KMT2A: variants seen among roughly 807,000 people sequenced by gnomAD.
The protein encoded by KMT2A is lysine methyltransferase 2A, also known as histone-lysine N-methyltransferase 2A.
KMT2A carries 16 observed loss-of-function variants against 345.3 expected under a neutral mutation model. The ratio of observed to expected loss-of-function variants is 0.05; its 90% confidence interval spans 0.03 to 0.07. The LOEUF (loss-of-function observed/expected upper bound fraction) is 0.07, where lower values mean the gene tolerates loss of function less well. KMT2A is among the 10% of genes least tolerant of loss of function. The probability of loss-of-function intolerance (pLI) is 1.00; values close to 1 mark genes in which losing one functional copy is unlikely to be tolerated. For synonymous variants in KMT2A, 1,599 were observed against 1,778.6 expected, an observed-to-expected ratio of 0.90 and a Z score of 2.54; for missense variants, 3,272 against 4,841.6, an observed-to-expected ratio of 0.68 and a Z score of 9.62.
intron 24 of KMT2A, among the ~76,000 whole-genome samples, chr11:118,500,273 T>C (rs1456518162): frequency 6.6e-6 from 1 of 152,210 alleles, no homozygotes; most frequent in African/African-American, 2.4e-5. Flanking sequence ...CTTTACAGTT[T>C]ATAAGTCCTT....
chr11:118,439,174 G>T (rs879972533), intron 1 of KMT2A: 8 of 324,210 alleles, frequency 2.5e-5, no homozygotes, highest in Middle Eastern at 4.3e-4. Context: ...AAAAAAAAAA[G>T]AAAAAAAAGA....
chr11:118,437,130 G>A (rs1452749252), intron 1 of KMT2A, among the ~76,000 whole-genome samples, 186 bp downstream of exon 1: 1 of 106,048 alleles, frequency 9.4e-6, no homozygotes, highest in Non-Finnish European at 1.9e-5. Flanking sequence ...CCCCCACCCC[G>A]GGGTTTGGGC....
At chr11:118,512,181 A>G in intron 31 of KMT2A, 156 bp downstream of exon 31, 1 of 628,328 alleles carries the variant, frequency 1.6e-6, no homozygotes, top group East Asian at 2.7e-5. Flanking sequence ...TCACCCATCT[A>G]AAGCATACAA....
chr11:118,492,924 T>A, intron 15 of KMT2A, 133 bp from the exon 16 acceptor site: 1 of 710,770 alleles, frequency 1.4e-6, no homozygotes. Flanking sequence ...ATTTGAGAAA[T>A]CTGATTATTT....
At position 118,495,669 on chromosome 11, in the gene KMT2A, A is replaced by C; in HGVS notation, c.5364-31A>C. On this transcript the variant is annotated intron_variant, in intron 18 of 35. Coordinates refer to ENST00000534358, the MANE Select transcript of KMT2A (RefSeq NM_001197104.2). The surrounding 1 kb of genome is among the most constrained non-coding windows in gnomAD (Gnocchi z 4.1). Reference sequence around the variant, plus strand: ...AGTTCTAGGTATACTGTAGGAGTTCAATAAATGCTTGTTGAATCAATTATT... The same window carrying C: ...AGTTCTAGGTATACTGTAGGAGTTCCATAAATGCTTGTTGAATCAATTATT... 1 of 1,567,168 alleles carries C rather than the reference A, an allele frequency of 6.4e-7. No individual in the cohort carries two copies. The highest frequency in any genetic ancestry group is 2.2e-5 in the East Asian group (1 of 44,522).
chr11:118,447,054 C>T (rs1336189432), intron 1 of KMT2A, among the ~76,000 whole-genome samples: 5 of 152,136 alleles, frequency 3.3e-5, no homozygotes, highest in African/African-American at 1.2e-4. Flanking sequence ...GCTTATTATT[C>T]GTCTCCCATG....
At chr11:118,512,208 A>G (rs1950703347) in intron 31 of KMT2A, 183 bp downstream of exon 31, 2 of 608,022 alleles carry the variant, frequency 3.3e-6, no homozygotes, top group Admixed American at 3.0e-5. Flanking sequence ...GGTTTTTAAT[A>G]TATTCAGAGT....
intron 10 of KMT2A, among the ~76,000 whole-genome samples, chr11:118,485,926 C>CA (rs375780849): frequency 3.3e-5 from 5 of 151,934 alleles, no homozygotes; most frequent in Admixed American, 6.6e-5. Context: ...ATTAAAAATA[C>CA]AAAAAAATTA....
chr11:118,505,345 T>G lies in KMT2A; in HGVS notation c.9453T>G (p.Ser3151=). 6.2e-7 allele frequency: 1 copy of G among 1,614,190 alleles called. No individual in the cohort carries two copies. Among genetic ancestry groups the G allele is most frequent in the Non-Finnish European group, 8.5e-7 (1 of 1,180,016 alleles). The part of the protein sequence containing the change: ...SLPTSQSLFP[S]ASKGLLPMSH... ...CAACTTCTCAATCTTTGTTCCCTTC[T>G]GCTAGCAAAGGATTGCTACCCATGT... The change falls in exon 27 of 36, where the codon TCT becomes TCG. Residue 3151 remains serine, a synonymous_variant. Transcript: ENST00000534358. The surrounding 1 kb of genome is among the most constrained non-coding windows in gnomAD (Gnocchi z 4.6).
At position 118,481,784 on chromosome 11, in the gene KMT2A, A is replaced by C. The variant is rs1325884084; in HGVS notation, c.3704A>C (p.Lys1235Thr). The change falls in exon 7 of 36, where the codon AAG becomes ACG. Residue 1235 changes from lysine to threonine, a missense_variant. Transcript: ENST00000534358. Reference sequence around the variant, plus strand: ...GACAGCAAAGAGAGCAGTGTTGTGAAGAACGTGGTGGACTCTAGTCAGAAA... The same window carrying C: ...GACAGCAAAGAGAGCAGTGTTGTGACGAACGTGGTGGACTCTAGTCAGAAA... ...KKDSKESSVV[K>T]NVVDSSQKPT... The C allele has an allele frequency of 1.9e-6, 3 of 1,614,270 alleles. No individual in the cohort carries two copies. The highest frequency in any genetic ancestry group is 2.5e-6 in the Non-Finnish European group (3 of 1,180,052).
Position 118,478,098 on chromosome 11 carries a change from G to A in KMT2A, c.3466G>A (p.Gly1156Arg). The part of the protein sequence containing the change: ...VKKGRRSRRC[G>R]QCPGCQVPED... Reference sequence around the variant, plus strand: ...GAAAGGACGTCGATCGAGGCGGTGTGGGCAGTGTCCCGGCTGCCAGGTGCC... The same window carrying A: ...GAAAGGACGTCGATCGAGGCGGTGTAGGCAGTGTCCCGGCTGCCAGGTGCC... Residue 1156 changes from glycine (G) to arginine (R), a missense_variant, in exon 5 of 36, where the codon GGG becomes AGG. Transcript: ENST00000534358. 6.2e-7 allele frequency: 1 copy of A among 1,614,150 alleles called. No individual in the cohort carries two copies.
Position 118,491,721 on chromosome 11 carries a change from A to G in KMT2A, c.4820-23A>G. The stretch of plus-strand genomic sequence containing the variant: ...CTCTCATTCTTCAGAGGACCTCATC[A>G]TGGTAGGTTTTTGTTTTCTTAGATG... On this transcript the variant is annotated intron_variant, in intron 14 of 35. Transcript: ENST00000534358. This position sits in a 1 kb window ranked among gnomAD's most constrained non-coding sequence, Gnocchi z 4.2. 1 of 1,564,826 alleles carries G rather than the reference A, an allele frequency of 6.4e-7. No homozygotes were observed. Among genetic ancestry groups the G allele is most frequent in the Non-Finnish European group, 8.7e-7 (1 of 1,150,128 alleles).
intron 1 of KMT2A, among the ~76,000 whole-genome samples, chr11:118,437,849 C>A (rs1555139170): frequency 2.0e-5 from 3 of 152,120 alleles, no homozygotes. Context: ...CCACCACTCC[C>A]CTTGGAGAGG....
chr11:118,452,093 G>T (rs1408921910), intron 1 of KMT2A, among the ~76,000 whole-genome samples: 2 of 151,992 alleles, frequency 1.3e-5, no homozygotes, highest in African/African-American at 4.8e-5. Flanking sequence ...GGCAGTGGCT[G>T]TTCACAGGCA....
At chr11:118,501,905 A>G (rs1255988340) in intron 26 of KMT2A, 48 bp downstream of exon 26, 3 of 1,442,926 alleles carry the variant, frequency 2.1e-6, no homozygotes, top group Non-Finnish European at 2.8e-6. Flanking sequence ...CAGCCCAAAG[A>G]CTAATTTGTA....
rs1555035839 is a variant in KMT2A at position 118,472,341 on chromosome 11, G to T, written c.1182G>T (p.Leu394=). ...QKKIEKEAAQ[L]QGRKVKTQVK... is the part of the protein sequence containing the mutation. ...AAATTGAAAAAGAAGCAGCTCAGCT[G>T]CAGGGAAGAAAGGTGAAGACACAGG... The change falls in exon 3 of 36, where the codon CTG becomes CTT. Residue 394 remains leucine, a synonymous_variant. Coordinates refer to ENST00000534358, the MANE Select transcript of KMT2A (RefSeq NM_001197104.2). 12 of 1,614,156 alleles carry T rather than the reference G, an allele frequency of 7.4e-6. No homozygotes were observed. Among genetic ancestry groups the T allele is most frequent in the South Asian group, 5.5e-5 (5 of 91,084 alleles).
chr11:118,472,317 A>G lies in KMT2A; in HGVS notation c.1158A>G (p.Lys386=). 1 of 1,614,154 alleles carries G rather than the reference A, an allele frequency of 6.2e-7. No individual in the cohort carries two copies. Among genetic ancestry groups the G allele is most frequent in the Non-Finnish European group, 8.5e-7 (1 of 1,180,028 alleles). ...GGGCAAAAAAGGGGGCTCAAAAGAA[A>G]ATTGAAAAAGAAGCAGCTCAGCTGC... The part of the protein sequence containing the change: ...LQRAKKGAQK[K]IEKEAAQLQG... Residue 386 remains lysine, a synonymous_variant, in exon 3 of 36, where the codon AAA becomes AAG. Transcript: ENST00000534358.
At chr11:118,457,792 G>T (rs1565268941) in intron 1 of KMT2A, among the ~76,000 whole-genome samples, 1 of 150,492 alleles carries the variant, frequency 6.6e-6, no homozygotes, top group Non-Finnish European at 1.5e-5. Context: ...TGGCCTTCCC[G>T]ATCCTTTCTC....
rs782050529 is a variant in KMT2A, at chr11:118,503,427, C to T, written c.7535C>T (p.Ala2512Val). 6.2e-6 allele frequency: 10 copies of T among 1,614,028 alleles called. No homozygotes were observed. The highest frequency in any genetic ancestry group is 8.5e-6 in the Non-Finnish European group (10 of 1,179,942). The change falls in exon 27 of 36, where the codon GCC becomes GTC. Residue 2512 changes from alanine to valine, a missense_variant. By Grantham distance (64) the Ala-to-Val change is moderately conservative. This residue lies in a region of KMT2A where 445 missense variants were observed against 500.9 expected (regional missense o/e 0.89). Transcript: ENST00000534358. The surrounding 1 kb of genome is among the most constrained non-coding windows in gnomAD (Gnocchi z 5.3). ...CCACCCATGCAAGTAGAAGGATCTG[C>T]CAAGGAATTACAGGCACCACGGAAA... ...KAPPMQVEGSAKELQAPRKRT... is the reference protein window; with the variant it reads ...KAPPMQVEGSVKELQAPRKRT...
Sources: allele counts gnomAD v4.1 joint callset (sites outside exome capture counted in the v4.1 genomes callset), GRCh38; gene constraint gnomAD v4.1.1; regional missense constraint gnomAD v4.1.1; non-coding constraint Gnocchi (gnomAD v3.1); transcripts MANE v1.5; gene names NCBI Gene and HGNC (gene_info 2026-07-23, HGNC 2026-07-21).